The following PCDHA10 variants were observed in gnomAD, a reference collection of about 807,000 sequenced individuals.
PCDHA10 encodes the protein protocadherin alpha-10.
A neutral mutation model predicts 61.2 loss-of-function variants in PCDHA10; 45 were observed. The observed-to-expected ratio is 0.74, with a 90% CI of 0.58 to 0.94. The LOEUF (loss-of-function observed/expected upper bound fraction) is 0.94. Among genes scored for constraint, PCDHA10 ranks in the 40% least tolerant of loss-of-function variants. The pLI is 0.00. For missense variants in PCDHA10, 1,278 were observed against 1,236.2 expected (o/e 1.03, Z -0.51); for synonymous variants, 602 against 548.8 (o/e 1.10, Z -1.35).
chr5:141,010,869 A>T lies in PCDHA10; in HGVS notation c.*932A>T, dbSNP rs1434984330. The T allele has an allele frequency of 1.3e-5, 2 of 153,786 alleles. No individual in the cohort carries two copies. Among genetic ancestry groups the T allele is most frequent in the African/African-American group, 4.8e-5 (2 of 41,464 alleles). The allele number at this position is 153,786 out of a possible 1,614,324, so 9.5% of individuals were successfully genotyped here. On this transcript the variant is annotated 3_prime_UTR_variant, in exon 4 of 4. Coordinates refer to ENST00000307360, the MANE Select transcript of PCDHA10 (RefSeq NM_018901.4). Reference sequence around the variant, plus strand: ...AAAAAAAGAGAAAGTCTATAGCTATAAATCTTTAAAGAGAAATATGAATAC... The same window carrying T: ...AAAAAAAGAGAAAGTCTATAGCTATTAATCTTTAAAGAGAAATATGAATAC...
intron 1 of PCDHA10, among the ~76,000 whole-genome samples, chr5:140,907,040 G>A (rs781947448): frequency 1.4e-4 from 21 of 152,290 alleles, no homozygotes; most frequent in Non-Finnish European, 2.4e-4. Context: ...ATGTCACAGG[G>A]ACAGTAAGCA....
At chr5:140,982,241 T>G in intron 2 of PCDHA10, 1 of 696,668 alleles carries the variant, frequency 1.4e-6, no homozygotes, top group South Asian at 3.3e-5. Context: ...AGAATTGCCA[T>G]AAAGATAGAA....
chr5:140,944,472 G>C (rs1554216383), intron 1 of PCDHA10, among the ~76,000 whole-genome samples: 2 of 152,220 alleles, frequency 1.3e-5, no homozygotes, highest in Non-Finnish European at 2.9e-5. Context: ...CAGGTATGAG[G>C]CACTGGACTG....
chr5:141,009,809 G>T lies in PCDHA10; in HGVS notation c.2719G>T (p.Asp907Tyr), dbSNP rs782057926. The T allele has an allele frequency of 6.2e-7, 1 of 1,613,834 alleles. No homozygotes were observed. Among genetic ancestry groups the T allele is most frequent in the Non-Finnish European group, 8.5e-7 (1 of 1,180,010 alleles). ...GCAGGAGCCTACTAACAGCCAAATT[G>T]ACAAAAGTGACTTCATAACCTTCGG... ...IRQEPTNSQI[D>Y]KSDFITFGKK... The change falls in exon 4 of 4, where the codon GAC becomes TAC. Residue 907 changes from aspartate to tyrosine, a missense_variant. Physicochemically the swap from Asp to Tyr is radical, Grantham distance 160 (BLOSUM62 -3). Coordinates refer to ENST00000307360, the MANE Select transcript of PCDHA10 (RefSeq NM_018901.4).
rs373518493 is a variant in PCDHA10, at chr5:140,883,950, A to T, written c.2388+25514A>T. 129 of 1,613,288 alleles carry T rather than the reference A, an allele frequency of 8.0e-5. 1 individual carries two copies. In the East Asian group the frequency reaches 1.2e-3, roughly 15 times the overall value. Reference sequence around the variant, plus strand: ...GTGTTCGTGCTGGACGAGAACGACAACGCTCCGGCGCTGCTGACGCCCGGG... The same window carrying T: ...GTGTTCGTGCTGGACGAGAACGACATCGCTCCGGCGCTGCTGACGCCCGGG... On this transcript the variant is annotated intron_variant, in intron 1 of 3. Coordinates refer to ENST00000307360, the MANE Select transcript of PCDHA10 (RefSeq NM_018901.4).
intron 1 of PCDHA10, among the ~76,000 whole-genome samples, chr5:140,966,046 G>A (rs1329363755): frequency 6.6e-6 from 1 of 152,212 alleles, no homozygotes. Context: ...CCCATCGCCA[G>A]TAACCCCAGA....
chr5:140,904,139 A>C (rs557435150), intron 1 of PCDHA10, among the ~76,000 whole-genome samples: 10 of 152,286 alleles, frequency 6.6e-5, no homozygotes, highest in African/African-American at 2.2e-4. Flanking sequence ...TCACCCGAGC[A>C]GTATACATTG....
intron 3 of PCDHA10, among the ~76,000 whole-genome samples, chr5:140,986,402 A>G (rs782590214): frequency 6.6e-6 from 1 of 152,192 alleles, no homozygotes; most frequent in Non-Finnish European, 1.5e-5. Context: ...CCAGTCGCTC[A>G]TGTTACAGCT....
intron 1 of PCDHA10, among the ~76,000 whole-genome samples, chr5:140,977,003 T>G (rs1382476176): frequency 6.6e-6 from 1 of 152,248 alleles, no homozygotes; most frequent in Non-Finnish European, 1.5e-5. Flanking sequence ...AGAAATCTTG[T>G]AACTGTGATT....
intron 1 of PCDHA10, chr5:140,870,137 A>C (rs1554163840): frequency 6.2e-7 from 1 of 1,613,940 alleles, no homozygotes; most frequent in Non-Finnish European, 8.5e-7. Flanking sequence ...ACCAACGATA[A>C]CTCTCCTGAA....
At chr5:140,885,577 A>G (rs1554182197) in intron 1 of PCDHA10, among the ~76,000 whole-genome samples, 1 of 152,172 alleles carries the variant, frequency 6.6e-6, no homozygotes, top group African/African-American at 2.4e-5. Context: ...TCAGATGTGG[A>G]ATTGATGCAT....
At chr5:140,987,262 G>A (rs563934474) in intron 3 of PCDHA10, among the ~76,000 whole-genome samples, 1 of 151,978 alleles carries the variant, frequency 6.6e-6, no homozygotes, top group South Asian at 2.1e-4. Context: ...TCTCAGGAAT[G>A]GGACCCGGCA....
chr5:140,864,013 A>G (rs574478230), intron 1 of PCDHA10: 3 of 153,164 alleles, frequency 2.0e-5, no homozygotes, highest in African/African-American at 4.8e-5. Flanking sequence ...AAAAAAAAGT[A>G]CATTGGAAGT....
intron 1 of PCDHA10, among the ~76,000 whole-genome samples, chr5:140,941,953 C>A (rs1166757165): frequency 6.6e-6 from 1 of 152,054 alleles, no homozygotes; most frequent in Non-Finnish European, 1.5e-5. Flanking sequence ...GTTTTGAAAA[C>A]AATAGTATCT....
At chr5:140,954,623 G>C (rs1277762311) in intron 1 of PCDHA10, among the ~76,000 whole-genome samples, 2 of 151,776 alleles carry the variant, frequency 1.3e-5, no homozygotes, top group African/African-American at 4.8e-5. Flanking sequence ...GGCTTGTTTG[G>C]GTTTTTCTTG....
chr5:140,896,432 G>C (rs2065542713), intron 1 of PCDHA10, among the ~76,000 whole-genome samples: 1 of 152,008 alleles, frequency 6.6e-6, no homozygotes, highest in African/African-American at 2.4e-5. Context: ...ATTCTGACTG[G>C]TGTGACTGCA....
At chr5:140,980,607 C>T (rs1471918192) in intron 2 of PCDHA10, among the ~76,000 whole-genome samples, 5 of 151,334 alleles carry the variant, frequency 3.3e-5, no homozygotes, top group Non-Finnish European at 7.4e-5. Context: ...TCCAGCCTGG[C>T]GACAGTGCGA....
Position 140,927,948 on chromosome 5 carries a change from C to T in PCDHA10, c.2389-51001C>T, listed in dbSNP as rs1012110026. The T allele has an allele frequency of 4.3e-6, 7 of 1,614,072 alleles. No homozygotes were observed. In the African/African-American group the frequency reaches 5.3e-5, roughly 12 times the overall value. On this transcript the variant is annotated intron_variant, in intron 1 of 3. Transcript: ENST00000307360. The stretch of plus-strand genomic sequence containing the variant: ...CTCTTTCGAACCCAGTACCTGAGGA[C>T]GCTGCCCCTGGCACAGTGATTGCTC...
chr5:140,971,452 T>G (rs1554233345), intron 1 of PCDHA10, among the ~76,000 whole-genome samples: 1 of 152,088 alleles, frequency 6.6e-6, no homozygotes, highest in Admixed American at 6.5e-5. Context: ...CTCCAGAAAT[T>G]TTTGCAGTTA....
Sources: gnomAD v4.1 joint callset for allele counts (sites outside exome capture counted in the v4.1 genomes callset) on GRCh38, gnomAD v4.1.1 for gene constraint, MANE v1.5 for transcripts, NCBI Gene and HGNC (gene_info 2026-07-23, HGNC 2026-07-21) for gene names.